ABCA7: variants seen among roughly 807,000 people sequenced by gnomAD.
ABCA7 encodes phospholipid-transporting ATPase ABCA7.
In ABCA7, 261 loss-of-function variants were observed where a neutral mutation model predicts 227.6. The ratio of observed to expected loss-of-function variants is 1.15; its 90% CI spans 1.04 to 1.27. The LOEUF is 1.27. Ranked by LOEUF, ABCA7 falls within the 50% of genes most tolerant of loss-of-function variation. The probability of loss-of-function intolerance (pLI) is 0.00; values close to 1 mark genes in which losing one functional copy is unlikely to be tolerated. For synonymous variants in ABCA7, 1,488 were observed against 1,279.7 expected, an observed-to-expected ratio of 1.16 and a Z score of -3.47; for missense variants, 3,331 against 2,924.5, an observed-to-expected ratio of 1.14 and a Z score of -3.21.
chr19:1,047,438 C>T lies in ABCA7; in HGVS notation c.2068-15C>T, dbSNP rs753938458. ...CCCCGCTTCGGCCGCTCACTGACCG[C>T]CCGCTTTTCCGCAGAGCCTGCTGTC... On this transcript the variant is annotated splice_polypyrimidine_tract_variant and intron_variant, in intron 15 of 46. Transcript: ENST00000263094. 6.5e-7 allele frequency: 1 copy of T among 1,538,338 alleles called. No homozygotes were observed. The highest frequency in any genetic ancestry group is 1.2e-5 in the South Asian group (1 of 85,834).
At chr19:1,049,045 T>A in intron 17 of ABCA7, 40 bp downstream of exon 17, 1 of 1,178,222 alleles carries the variant, frequency 8.5e-7, no homozygotes. Context: ...TGTCCACATA[T>A]GCCCAGTTCC....
In ABCA7 at chr19:1,051,277, A is replaced by C; in HGVS notation, c.2807A>C (p.Gln936Pro). The C allele has an allele frequency of 6.2e-7, 1 of 1,601,904 alleles. No homozygotes were observed. Among genetic ancestry groups the C allele is most frequent in the Non-Finnish European group, 8.5e-7 (1 of 1,174,700 alleles). Residue 936 changes from glutamine (Q) to proline (P), a missense_variant, in exon 20 of 47, where the codon CAG (glutamine) becomes CCG (proline). Coordinates refer to ENST00000263094, the MANE Select transcript of ABCA7 (RefSeq NM_019112.4). ...GGGCTGGTCTCCAAGCAGAGTGTGC[A>C]GACTCGCCACCTCTCTGGTGAGCCC... ...DVGLVSKQSVQTRHLSGGMQR... is the reference protein window; with the variant it reads ...DVGLVSKQSVPTRHLSGGMQR...
At chr19:1,052,762 G>T in intron 23 of ABCA7, among the ~76,000 whole-genome samples, 1 of 151,110 alleles carries the variant, frequency 6.6e-6, no homozygotes. Context: ...AACCTGAGAT[G>T]ATGCCCCCAT....
intron 29 of ABCA7, 60 bp from the exon 30 acceptor site, chr19:1,055,037 C>T: frequency 1.3e-6 from 2 of 1,551,408 alleles, no homozygotes; most frequent in South Asian, 1.2e-5. Context: ...AGCTGGGTGC[C>T]CACAGACCTT....
At chr19:1,057,837 A>T (rs1215750188) in intron 35 of ABCA7, 78 bp from the exon 36 acceptor site, 4 of 1,536,308 alleles carry the variant, frequency 2.6e-6, no homozygotes, top group Non-Finnish European at 3.5e-6. Context: ...GGCAGAGAAG[A>T]TGGGAATGGA....
intron 16 of ABCA7, 32 bp from the exon 17 acceptor site, chr19:1,048,863 G>A: frequency 2.2e-6 from 3 of 1,369,674 alleles, no homozygotes; most frequent in Non-Finnish European, 3.0e-6. Flanking sequence ...CTGGGGGGTG[G>A]GCTAAGCAAT....
intron 12 of ABCA7, 104 bp downstream of exon 12, chr19:1,045,335 G>T (rs1279535965): frequency 1.7e-6 from 2 of 1,155,896 alleles, no homozygotes; most frequent in Non-Finnish European, 2.4e-6. Context: ...TGATAGACAG[G>T]ATCTGGGCTG....
intron 9 of ABCA7, 65 bp downstream of exon 9, chr19:1,043,538 C>T: frequency 6.2e-7 from 1 of 1,610,402 alleles, no homozygotes; most frequent in Non-Finnish European, 8.5e-7. Flanking sequence ...ACCCTCAGTC[C>T]AGGTGGGCCA....
rs1299585009 is a variant in ABCA7 at position 1,062,168 on chromosome 19, C to G, written c.5571-4C>G. On this transcript the variant is annotated splice_region_variant and splice_polypyrimidine_tract_variant and intron_variant, in intron 41 of 46. Transcript: ENST00000263094. ...CTCTGAGCCCCCGGCGCCCCCATCC[C>G]CAGCGTGGCCCGGGAACCCAGTGCT... 1.9e-6 allele frequency: 3 copies of G among 1,611,248 alleles called. No homozygotes were observed. Among genetic ancestry groups the G allele is most frequent in the Non-Finnish European group, 2.5e-6 (3 of 1,179,120 alleles).
chr19:1,058,416 G>A (rs2042431485), intron 37 of ABCA7, 147 bp downstream of exon 37: 7 of 1,437,268 alleles, frequency 4.9e-6, no homozygotes, highest in Admixed American at 2.8e-5. Context: ...CCAAGTTGGA[G>A]GTACAAGAAA....
chr19:1,042,537 C>T (rs1029706178), intron 6 of ABCA7, 140 bp downstream of exon 6: 9 of 1,158,076 alleles, frequency 7.8e-6, no homozygotes, highest in Non-Finnish European at 1.0e-5. Flanking sequence ...GCTGCTTGTC[C>T]GTCTGGGCCC....
chr19:1,064,858 AG>A (rs1400108306), intron 45 of ABCA7, 72 bp from the exon 46 acceptor site: 5 of 1,491,324 alleles, frequency 3.4e-6, no homozygotes, highest in Non-Finnish European at 4.5e-6. Context: ...AGAGAGTATT[AG>A]GGGCTGGAGG....
chr19:1,056,925 C>G lies in ABCA7; in HGVS notation c.4605C>G (p.Asp1535Glu). The change falls in exon 34 of 47, where the codon GAC becomes GAG. Residue 1535 changes from aspartate (D) to glutamate (E), a missense_variant. Coordinates refer to ENST00000263094, the MANE Select transcript of ABCA7 (RefSeq NM_019112.4). The surrounding 1 kb of genome is among the most constrained non-coding windows in gnomAD (Gnocchi z 4.3). ...CCTCCAGGATGGCCTCCTCGGTGGACGTCCTCGTCTCCATCTGTGTGGTCT... is the reference window on the plus strand; with the variant it reads ...CCTCCAGGATGGCCTCCTCGGTGGAGGTCCTCGTCTCCATCTGTGTGGTCT... The part of the protein sequence containing the change: ...SEGALMASSV[D>E]VLVSICVVFA... 3 of 1,613,708 alleles carry G rather than the reference C, an allele frequency of 1.9e-6. No homozygotes were observed. The highest frequency in any genetic ancestry group is 2.5e-6 in the Non-Finnish European group (3 of 1,179,732).
At position 1,052,279 on chromosome 19, in the gene ABCA7, C is replaced by A. The variant is rs757222989; in HGVS notation, c.3213C>A (p.Ser1071Arg). 6 of 1,535,808 alleles carry A rather than the reference C, an allele frequency of 3.9e-6. No homozygotes were observed. The South Asian group carries it at 6.0e-5, about 15-fold the overall frequency. The change falls in exon 23 of 47, where the codon AGC (serine) becomes AGA (arginine). Residue 1071 changes from serine to arginine, a missense_variant. By Grantham distance (110) the Ser-to-Arg change is moderately radical. Transcript: ENST00000263094. ...RQEKKNGSQG[S>R]RVGTPQLLAL... ...AAAAGAAGAATGGCAGCCAGGGCAG[C>A]AGAGTCGGTGAGGGCCGGGGTGGGA...
Position 1,061,797 on chromosome 19 carries a change from G to C in ABCA7, c.5479G>C (p.Gly1827Arg). 1 of 1,613,274 alleles carries C rather than the reference G, an allele frequency of 6.2e-7. No homozygotes were observed. Among genetic ancestry groups the C allele is most frequent in the Non-Finnish European group, 8.5e-7 (1 of 1,179,602 alleles). The change falls in exon 41 of 47, where the codon GGT becomes CGT. Residue 1827 changes from glycine (G) to arginine (R), a missense_variant. Gly to Arg is a moderately radical substitution (Grantham distance 125). Transcript: ENST00000263094. ...ATCCCTGTAGTGTTTTGGGCTGCTG[G>C]GTGTGAATGGAGCAGGGAAGACGTC... is the stretch of plus-strand genomic sequence containing the variant. ...IPPGECFGLL[G>R]VNGAGKTSTF...
In ABCA7 at chr19:1,045,373, C is replaced by T. The variant is rs1040256570; in HGVS notation, c.1445+142C>T. The T allele has an allele frequency of 1.5e-5, 13 of 894,554 alleles. No individual in the cohort carries two copies. In the African/African-American group the frequency reaches 2.0e-4, roughly 14 times the overall value. The allele number at this position is 894,554 out of a possible 1,614,324, so 55.4% of individuals were successfully genotyped here. On this transcript the variant is annotated intron_variant, in intron 12 of 46. Coordinates refer to ENST00000263094, the MANE Select transcript of ABCA7 (RefSeq NM_019112.4). ...TCAACAGTGGTATGGTAGCCAGAGC[C>T]CGGGGCTCCTTAGACCAATAGGGGC...
intron 4 of ABCA7, 35 bp from the exon 5 acceptor site, chr19:1,042,029 C>A: frequency 6.3e-7 from 1 of 1,581,684 alleles, no homozygotes; most frequent in South Asian, 1.1e-5. Flanking sequence ...CAGTGCCGGC[C>A]GGAACCCCGC....
chr19:1,041,250 G>T lies in ABCA7; in HGVS notation c.-112G>T. The T allele has an allele frequency of 1.8e-6, 2 of 1,094,344 alleles. No individual in the cohort carries two copies. The highest frequency in any genetic ancestry group is 2.8e-6 in the Non-Finnish European group (2 of 716,322). The allele number at this position is 1,094,344 out of a possible 1,614,324, so 67.8% of individuals were successfully genotyped here. ...AGCTTCCAGGAACCCTGCGCTGTGG[G>T]ATAAAGGAATGAGGTTCAGAAAGGG... On this transcript the variant is annotated 5_prime_UTR_variant, in exon 2 of 47. Transcript: ENST00000263094.
intron 40 of ABCA7, among the ~76,000 whole-genome samples, chr19:1,060,195 G>GTATATATATATATATATA (rs138175754): frequency 3.7e-5 from 2 of 53,466 alleles, no homozygotes; most frequent in African/African-American, 1.3e-4. Flanking sequence ...ACACATTGCA[G>GTATATATATATATATATA]TATATATATA....
Sources: allele counts gnomAD v4.1 joint callset (sites outside exome capture counted in the v4.1 genomes callset), GRCh38; gene constraint gnomAD v4.1.1; non-coding constraint Gnocchi (gnomAD v3.1); transcripts MANE v1.5; gene names NCBI Gene and HGNC (gene_info 2026-07-23, HGNC 2026-07-21).